CNTNAP2: variants seen among roughly 807,000 people sequenced by gnomAD.
CNTNAP2 encodes contactin associated protein 2.
In CNTNAP2, 98 loss-of-function variants were observed where a neutral mutation model predicts 155.2. The observed-to-expected ratio is 0.63, with a 90% CI of 0.54 to 0.75. The LOEUF (loss-of-function observed/expected upper bound fraction) is 0.75, where lower values mean the gene tolerates loss of function less well. Ranked by LOEUF, CNTNAP2 falls within the 30% of genes least tolerant of loss-of-function variation. The probability of loss-of-function intolerance (pLI) is 0.00; values close to 1 mark genes in which losing one functional copy is unlikely to be tolerated. For synonymous variants in CNTNAP2, 651 were observed against 631.2 expected (o/e 1.03, Z -0.47); for missense variants, 1,727 against 1,688.1 (o/e 1.02, Z -0.40).
At chr7:147,263,649 T>A (rs1201528149) in intron 8 of CNTNAP2, among the ~76,000 whole-genome samples, 1 of 152,194 alleles carries the variant, frequency 6.6e-6, no homozygotes, top group Non-Finnish European at 1.5e-5. Context: ...ATGATTTCAG[T>A]GTCTTTTATC....
intron 12 of CNTNAP2, among the ~76,000 whole-genome samples, chr7:147,599,219 G>A (rs1409088014): frequency 2.0e-5 from 3 of 151,974 alleles, no homozygotes; most frequent in African/African-American, 7.3e-5. Flanking sequence ...GCTCACACCT[G>A]TAATCCTAGC....
intron 20 of CNTNAP2, among the ~76,000 whole-genome samples, chr7:148,265,592 A>G (rs147248215): frequency 2.6e-5 from 4 of 152,290 alleles, no homozygotes; most frequent in Admixed American, 6.5e-5. Flanking sequence ...TTAATGATGC[A>G]TTTGACGTTA....
intron 20 of CNTNAP2, among the ~76,000 whole-genome samples, chr7:148,259,798 C>T (rs1796524081): frequency 6.6e-6 from 1 of 152,224 alleles, no homozygotes; most frequent in Non-Finnish European, 1.5e-5. Context: ...CTTTAAGCTC[C>T]ACGTGTAAGA....
chr7:148,350,495 C>T (rs1798408799), intron 21 of CNTNAP2, among the ~76,000 whole-genome samples: 1 of 152,182 alleles, frequency 6.6e-6, no homozygotes, highest in Admixed American at 6.5e-5. Flanking sequence ...TTCAACTAGT[C>T]AGCTGATTTG....
chr7:147,206,964 A>G (rs1803035976), intron 8 of CNTNAP2, among the ~76,000 whole-genome samples: 1 of 152,208 alleles, frequency 6.6e-6, no homozygotes, highest in Non-Finnish European at 1.5e-5. Flanking sequence ...TGCTCATTTC[A>G]GTAAATCAGA....
chr7:146,805,148 G>T (rs1426057472), intron 2 of CNTNAP2, among the ~76,000 whole-genome samples: 3 of 152,106 alleles, frequency 2.0e-5, no homozygotes, highest in Non-Finnish European at 4.4e-5. Context: ...GGGTCTTAAG[G>T]AGAGGACAAG....
At chr7:146,148,101 C>T (rs1347633624) in intron 1 of CNTNAP2, among the ~76,000 whole-genome samples, 3 of 152,010 alleles carry the variant, frequency 2.0e-5, no homozygotes, top group Non-Finnish European at 4.4e-5. Flanking sequence ...GCAGATTTTA[C>T]TTCTATAGTG....
chr7:148,008,548 G>A (rs35583257), intron 15 of CNTNAP2, among the ~76,000 whole-genome samples: 16,148 of 152,058 alleles, frequency 0.11, 1,204 homozygotes, highest in East Asian at 0.24. Flanking sequence ...TGTTTAGATC[G>A]GCTTCCAAGA....
intron 13 of CNTNAP2, among the ~76,000 whole-genome samples, chr7:147,649,061 G>A (rs1194512114): frequency 6.6e-6 from 1 of 152,046 alleles, no homozygotes; most frequent in East Asian, 1.9e-4. Flanking sequence ...GTGACCTTTG[G>A]TCAGTTCCAG....
At chr7:146,771,050 G>T (rs540811957) in intron 1 of CNTNAP2, among the ~76,000 whole-genome samples, 4 of 152,118 alleles carry the variant, frequency 2.6e-5, no homozygotes, top group African/African-American at 7.2e-5. Flanking sequence ...AATGCTACCT[G>T]ATCATTTTGT....
intron 15 of CNTNAP2, among the ~76,000 whole-genome samples, chr7:148,033,232 T>C (rs144250199): frequency 6.6e-6 from 1 of 152,298 alleles, no homozygotes; most frequent in Non-Finnish European, 1.5e-5. Context: ...TACATTATAA[T>C]TGGGTAAAAT....
chr7:148,084,404 G>C (rs1182571312), intron 15 of CNTNAP2, among the ~76,000 whole-genome samples: 5 of 151,974 alleles, frequency 3.3e-5, no homozygotes, highest in Non-Finnish European at 7.4e-5. Context: ...CTCTGCCCCG[G>C]GACTGTGCAG....
At chr7:148,323,913 T>G (rs1797845076) in intron 21 of CNTNAP2, among the ~76,000 whole-genome samples, 1 of 146,736 alleles carries the variant, frequency 6.8e-6, no homozygotes, top group South Asian at 2.2e-4. Flanking sequence ...TGAGACGGAG[T>G]TTCACTCTTG....
chr7:147,040,789 TAA>T (rs747896745), intron 3 of CNTNAP2, among the ~76,000 whole-genome samples: 65 of 152,198 alleles, frequency 4.3e-4, no homozygotes, highest in Admixed American at 1.1e-3. Context: ...GTGAACTTTT[TAA>T]AGAAAAGCCA....
At chr7:146,831,972 T>C (rs987149669) in intron 2 of CNTNAP2, among the ~76,000 whole-genome samples, 5 of 152,202 alleles carry the variant, frequency 3.3e-5, no homozygotes, top group Non-Finnish European at 7.4e-5. Context: ...TTAGGAATGA[T>C]TGGGCCACTG....
chr7:147,814,645 T>C (rs2116611840), intron 13 of CNTNAP2, among the ~76,000 whole-genome samples: 1 of 152,316 alleles, frequency 6.6e-6, no homozygotes, highest in East Asian at 1.9e-4. Flanking sequence ...TTACTTTTAG[T>C]ATAGCACTTT....
At position 148,345,281 on chromosome 7, in the gene CNTNAP2, C is replaced by G. The variant is rs144174503; in HGVS notation, c.3476-38368C>G. The stretch of plus-strand genomic sequence containing the variant: ...TCAAGGTACGGAGAATGATGGGAGC[C>G]CAGGGCCAGAAGCCTATAACCCACA... On this transcript the variant is annotated intron_variant, in intron 21 of 23. Coordinates refer to ENST00000361727, the MANE Select transcript of CNTNAP2 (RefSeq NM_014141.6). Among the ~76,000 whole-genome samples the G allele has an allele frequency of 1.3e-4, 20 of 152,162 alleles. No homozygotes were observed. In the East Asian group the frequency reaches 3.7e-3, roughly 28 times the overall value.
At chr7:148,093,266 G>T (rs528262070) in intron 15 of CNTNAP2, among the ~76,000 whole-genome samples, 2 of 152,136 alleles carry the variant, frequency 1.3e-5, no homozygotes, top group Admixed American at 1.3e-4. Context: ...GATCATATAT[G>T]TGCATCAACA....
At chr7:148,079,707 C>T (rs1326256960) in intron 15 of CNTNAP2, among the ~76,000 whole-genome samples, 1 of 152,108 alleles carries the variant, frequency 6.6e-6, no homozygotes, top group East Asian at 1.9e-4. Context: ...TCAGGACCTG[C>T]TATCTGTCAT....
Sources: gnomAD v4.1 joint callset for allele counts (sites outside exome capture counted in the v4.1 genomes callset) on GRCh38, gnomAD v4.1.1 for gene constraint, MANE v1.5 for transcripts, NCBI Gene and HGNC (gene_info 2026-07-23, HGNC 2026-07-21) for gene names.